Variants in FOXN4 observed in about 807,000 individuals in gnomAD.
FOXN4 encodes the protein forkhead box protein N4.
FOXN4 carries 12 observed loss-of-function variants against 45.0 expected under a neutral mutation model. That is an observed-to-expected ratio of 0.27 (90% confidence interval 0.17 to 0.43). The LOEUF (loss-of-function observed/expected upper bound fraction) is 0.43. Among genes scored for constraint, FOXN4 ranks in the 20% least tolerant of loss-of-function variants. FOXN4 has a pLI of 1.00. For missense variants in FOXN4, 560 were observed against 694.9 expected, an observed-to-expected ratio of 0.81 and a Z score of 2.18; for synonymous variants, 297 against 295.0, an observed-to-expected ratio of 1.01 and a Z score of -0.07.
chr12:109,309,067 T>C lies in FOXN4; in HGVS notation c.-4+52A>G, dbSNP rs2047945333. Reference sequence around the variant, plus strand: ...CCGGGTCTCTACCCTGGAAATGCAATGCCCGGCATTGCCCGGGAGGAGGGA... The same window carrying C: ...CCGGGTCTCTACCCTGGAAATGCAACGCCCGGCATTGCCCGGGAGGAGGGA... On this transcript the variant is annotated intron_variant, in intron 1 of 9. Transcript: ENST00000299162. The surrounding 1 kb of genome is among the most constrained non-coding windows in gnomAD (Gnocchi z 5.0). 6.6e-6 allele frequency: 1 copy of C among 151,888 alleles called. No individual in the cohort carries two copies. Among genetic ancestry groups the C allele is most frequent in the Non-Finnish European group, 1.5e-5 (1 of 67,950 alleles). The allele number at this position is 151,888 out of a possible 1,614,324, so 9.4% of individuals were successfully genotyped here.
rs2047627949 is a variant in FOXN4, at chr12:109,278,936, A to G, written c.*735T>C. The G allele has an allele frequency of 6.6e-6, 1 of 152,110 alleles. No homozygotes were observed. The highest frequency in any genetic ancestry group is 1.5e-5 in the Non-Finnish European group (1 of 68,066). 9.4% of individuals were successfully genotyped at this position (152,110 alleles called of 1,614,324 possible). A position where few individuals can be genotyped will look rare whatever the true frequency, so the allele number is the denominator to read the frequency against. On this transcript the variant is annotated 3_prime_UTR_variant, in exon 10 of 10. Transcript: ENST00000299162. ...GGATGGCTGGGAGGTAGGGAGGGAGAAGGAGTCCCATTCCAGAGGCCTCGG... is the reference window on the plus strand; with the variant it reads ...GGATGGCTGGGAGGTAGGGAGGGAGGAGGAGTCCCATTCCAGAGGCCTCGG...
At position 109,287,700 on chromosome 12, in the gene FOXN4, G is replaced by A. The variant is rs1325416198; in HGVS notation, c.468+144C>T. On this transcript the variant is annotated intron_variant, in intron 5 of 9. Transcript: ENST00000299162. The surrounding 1 kb of genome is among the most constrained non-coding windows in gnomAD (Gnocchi z 4.1). ...CTCAGGGCAGGAGTTTTGGGGGAACGGAATGAATGACCCCATGACATGAGC... is the reference window on the plus strand; with the variant it reads ...CTCAGGGCAGGAGTTTTGGGGGAACAGAATGAATGACCCCATGACATGAGC... 3.1e-5 allele frequency: 34 copies of A among 1,112,254 alleles called. No individual in the cohort carries two copies. The East Asian group carries it at 5.7e-4, about 19-fold the overall frequency. 68.9% of individuals were successfully genotyped at this position (1,112,254 alleles called of 1,614,324 possible). A position where few individuals can be genotyped will look rare whatever the true frequency, so the allele number is the denominator to read the frequency against.
chr12:109,284,921 T>G (rs928742412), intron 8 of FOXN4, among the ~76,000 whole-genome samples: 4 of 145,626 alleles, frequency 2.7e-5, no homozygotes, highest in African/African-American at 7.7e-5. Context: ...TTTGTGTGTG[T>G]GTGCGTGCTG....
chr12:109,285,382 T>C lies in FOXN4; in HGVS notation c.823A>G (p.Ile275Val), dbSNP rs2047699812. ...GCLWALNLAR[I>V]DKMEEEMHKW... ...TGCATCTCCTCCTCCATCTTGTCGA[T>C]GCGGGCCAGGTTCAGAGCCCACAGG... The change falls in exon 8 of 10, where the codon ATC becomes GTC. Residue 275 changes from isoleucine (I) to valine (V), a missense_variant. Physicochemically the swap from Ile to Val is conservative, Grantham distance 29. This residue lies in a region of FOXN4 where 315 missense variants were observed against 350.5 expected (regional missense o/e 0.90). Coordinates refer to ENST00000299162, the MANE Select transcript of FOXN4 (RefSeq NM_213596.3). 9 of 1,613,996 alleles carry C rather than the reference T, an allele frequency of 5.6e-6. No homozygotes were observed. The highest frequency in any genetic ancestry group is 7.6e-6 in the Non-Finnish European group (9 of 1,179,888).
chr12:109,290,313 C>T lies in FOXN4; in HGVS notation c.87-27G>A, dbSNP rs1262536355. 1.2e-5 allele frequency: 18 copies of T among 1,523,110 alleles called. No homozygotes were observed. The highest frequency in any genetic ancestry group is 2.8e-5 in the African/African-American group (2 of 72,386). The allele number at this position is 1,523,110 out of a possible 1,614,324, so 94.3% of individuals were successfully genotyped here. The stretch of plus-strand genomic sequence containing the variant: ...TGCAAAGAGGAACAGAGAACTCGGG[C>T]GGGAGGGGGAGCTTAGGCCAGCTCC... On this transcript the variant is annotated intron_variant, in intron 2 of 9. Coordinates refer to ENST00000299162, the MANE Select transcript of FOXN4 (RefSeq NM_213596.3). This position sits in a 1 kb window ranked among gnomAD's most constrained non-coding sequence, Gnocchi z 5.1.
chr12:109,302,011 A>T (rs941742061), intron 2 of FOXN4, among the ~76,000 whole-genome samples: 2 of 152,198 alleles, frequency 1.3e-5, no homozygotes, highest in Non-Finnish European at 2.9e-5. Context: ...CCTTCTCCTG[A>T]AATGGTTAGT....
At chr12:109,279,971 C>G (rs751454967) in intron 9 of FOXN4, 41 bp from the exon 10 acceptor site, 23 of 1,608,924 alleles carry the variant, frequency 1.4e-5, no homozygotes, top group Non-Finnish European at 1.9e-5. Context: ...GGCTTCCCAT[C>G]AAATGACCTG....
rs1282826273 is a variant in FOXN4 at position 109,278,167 on chromosome 12, G to A, written c.*1504C>T. ...TTGTGTCTAAGGGTGGTGGATACTC[G>A]GTAGAAAGTTCCAGAACTGGGAAAA... On this transcript the variant is annotated 3_prime_UTR_variant, in exon 10 of 10. Coordinates refer to ENST00000299162, the MANE Select transcript of FOXN4 (RefSeq NM_213596.3). 4 of 152,254 alleles carry A rather than the reference G, an allele frequency of 2.6e-5. No homozygotes were observed. The highest frequency in any genetic ancestry group is 1.9e-4 in the East Asian group (1 of 5,198). 9.4% of individuals were successfully genotyped at this position (152,254 alleles called of 1,614,324 possible). A position where few individuals can be genotyped will look rare whatever the true frequency, so the allele number is the denominator to read the frequency against.
In FOXN4 at chr12:109,304,296, G is replaced by A. The variant is rs1370740709; in HGVS notation, c.86+3940C>T. 5.7e-3 allele frequency among the ~76,000 whole-genome samples: 178 copies of A among 31,318 alleles called. 5 individuals are homozygous for A. The highest frequency in any genetic ancestry group is 0.022 in the African/African-American group (106 of 4,866). 20.5% of individuals were successfully genotyped at this position (31,318 alleles called of 152,430 possible). A position where few individuals can be genotyped will look rare whatever the true frequency, so the allele number is the denominator to read the frequency against. ...GAAAGAAAGAAAGAAAGAAAGAAAG[G>A]AGAAAGAAAGAAGGAAAGAAGGAAA... On this transcript the variant is annotated intron_variant, in intron 2 of 9. Transcript: ENST00000299162.
intron 8 of FOXN4, among the ~76,000 whole-genome samples, chr12:109,284,664 G>A (rs2047686493): frequency 6.6e-6 from 1 of 151,608 alleles, no homozygotes; most frequent in South Asian, 2.1e-4. Flanking sequence ...TTCCACGTGT[G>A]TGTGCGCACA....
At chr12:109,307,961 C>G (rs2047936630) in intron 2 of FOXN4, among the ~76,000 whole-genome samples, 1 of 152,116 alleles carries the variant, frequency 6.6e-6, no homozygotes, top group South Asian at 2.1e-4. Flanking sequence ...GTCATCTTAA[C>G]ATTCACCAGG....
At position 109,291,273 on chromosome 12, in the gene FOXN4, G is replaced by A. The variant is rs1206184872; in HGVS notation, c.87-987C>T. Among the ~76,000 whole-genome samples, 1 of 151,714 alleles carries A rather than the reference G, an allele frequency of 6.6e-6. No homozygotes were observed. The highest frequency in any genetic ancestry group is 1.5e-5 in the Non-Finnish European group (1 of 67,944). On this transcript the variant is annotated intron_variant, in intron 2 of 9. Coordinates refer to ENST00000299162, the MANE Select transcript of FOXN4 (RefSeq NM_213596.3). The surrounding 1 kb of genome is among the most constrained non-coding windows in gnomAD (Gnocchi z 6.6). The stretch of plus-strand genomic sequence containing the variant: ...CTTGCCACGCGACTCCGAGAGCATC[G>A]GGTCTTACACCACCATCCGGGCCCT...
chr12:109,292,516 C>A (rs138849476), intron 2 of FOXN4, among the ~76,000 whole-genome samples: 1 of 152,092 alleles, frequency 6.6e-6, no homozygotes, highest in Non-Finnish European at 1.5e-5. Flanking sequence ...CTGTATAATG[C>A]GGATAACAAT....
At chr12:109,283,502 G>C (rs2047673063) in intron 8 of FOXN4, among the ~76,000 whole-genome samples, 3 of 142,458 alleles carry the variant, frequency 2.1e-5, no homozygotes, top group South Asian at 4.4e-4. Flanking sequence ...TTGAGATGGA[G>C]TCTTGCTCTG....
chr12:109,283,480 T>C (rs2047672415), intron 8 of FOXN4, among the ~76,000 whole-genome samples: 1 of 151,000 alleles, frequency 6.6e-6, no homozygotes, highest in African/African-American at 2.4e-5. Context: ...GAGAACTTTT[T>C]TTTTTTTTTT....
intron 2 of FOXN4, among the ~76,000 whole-genome samples, chr12:109,304,032 A>C (rs1022346272): frequency 1.3e-5 from 2 of 151,676 alleles, no homozygotes; most frequent in Non-Finnish European, 2.9e-5. Context: ...CTCTACTAAA[A>C]ATACAAAAAT....
At position 109,286,742 on chromosome 12, in the gene FOXN4, C is replaced by G. The variant is rs747820011; in HGVS notation, c.599G>C (p.Cys200Ser). The change falls in exon 7 of 10, where the codon TGT (cysteine) becomes TCT (serine). Residue 200 changes from cysteine to serine, a missense_variant and splice_region_variant. Cys to Ser is a moderately radical substitution (Grantham distance 112). Around this residue, in one of 5 missense-constraint regions of FOXN4, gnomAD observed 39 missense variants for 81.7 expected, o/e 0.48. Coordinates refer to ENST00000299162, the MANE Select transcript of FOXN4 (RefSeq NM_213596.3). The part of the protein sequence containing the change: ...HYPKPIYSYS[C>S]LIAMALKNSK... Reference sequence around the variant, plus strand: ...GTTCTTCAGGGCCATGGCGATCAGACAGCTGGGGGCAGGAGGTGGGGCAGG... The same window carrying G: ...GTTCTTCAGGGCCATGGCGATCAGAGAGCTGGGGGCAGGAGGTGGGGCAGG... The G allele has an allele frequency of 1.2e-6, 2 of 1,604,144 alleles. No individual in the cohort carries two copies. The highest frequency in any genetic ancestry group is 4.5e-5 in the East Asian group (2 of 44,794).
chr12:109,284,558 C>CGT (rs144054293), intron 8 of FOXN4, among the ~76,000 whole-genome samples: 1 of 148,302 alleles, frequency 6.7e-6, no homozygotes, highest in African/African-American at 2.5e-5. Flanking sequence ...TGTGTGCGCA[C>CGT]GTGTGTGTGC....
At chr12:109,284,220 G>A (rs970780139) in intron 8 of FOXN4, among the ~76,000 whole-genome samples, 10 of 152,234 alleles carry the variant, frequency 6.6e-5, no homozygotes, top group African/African-American at 2.4e-4. Context: ...AACTATGGAT[G>A]ACAAGTGAGA....
Sources: gnomAD v4.1 joint callset for allele counts (sites outside exome capture counted in the v4.1 genomes callset) on GRCh38, gnomAD v4.1.1 for gene constraint, gnomAD v4.1.1 regional missense constraint, Gnocchi (gnomAD v3.1) non-coding constraint, MANE v1.5 for transcripts, NCBI Gene and HGNC (gene_info 2026-07-23, HGNC 2026-07-21) for gene names.